The following GALNT12 variants were observed in gnomAD, a reference collection of about 807,000 sequenced individuals.
GALNT12 encodes the protein UDP-GalNAc:polypeptide N-acetylgalactosaminyltransferase 12.
GALNT12 carries 45 observed loss-of-function variants against 55.5 expected under a neutral mutation model. That is an observed-to-expected ratio of 0.81 (90% CI 0.64 to 1.04). The LOEUF (loss-of-function observed/expected upper bound fraction) is 1.04. Among genes scored for constraint, GALNT12 ranks in the 50% least tolerant of loss-of-function variants. The pLI is 0.00. For synonymous variants in GALNT12, 304 were observed against 312.2 expected (o/e 0.97, Z 0.28); for missense variants, 709 against 754.8 (o/e 0.94, Z 0.71).
chr9:98,849,022 T>A lies in GALNT12; in HGVS notation c.1676T>A (p.Phe559Tyr), dbSNP rs985361459. 1.9e-6 allele frequency: 3 copies of A among 1,614,200 alleles called. No homozygotes were observed. The highest frequency in any genetic ancestry group is 1.1e-5 in the South Asian group (1 of 91,090). The change falls in exon 10 of 10, where the codon TTC becomes TAC. Residue 559 changes from phenylalanine to tyrosine, a missense_variant. By Grantham distance (22) the Phe-to-Tyr change is conservative. This residue lies in a region of GALNT12 where 262 missense variants were observed against 310.7 expected (regional missense o/e 0.84). Transcript: ENST00000375011. ...GCGAGGAAGGAGTCGAGTGACAGTTTCGTTCCACTCTTACGAGACTGCACC... is the reference window on the plus strand; with the variant it reads ...GCGAGGAAGGAGTCGAGTGACAGTTACGTTCCACTCTTACGAGACTGCACC... ...QAARKESSDS[F>Y]VPLLRDCTNS...
intron 1 of GALNT12, among the ~76,000 whole-genome samples, chr9:98,817,787 T>C (rs1286175540): frequency 6.6e-6 from 1 of 152,112 alleles, no homozygotes; most frequent in Non-Finnish European, 1.5e-5. Context: ...TTGGTAGATA[T>C]GAGAAATAAT....
chr9:98,814,607 G>A (rs1835572068), intron 1 of GALNT12, among the ~76,000 whole-genome samples: 1 of 151,938 alleles, frequency 6.6e-6, no homozygotes, highest in Non-Finnish European at 1.5e-5. Context: ...CTACTTGGGA[G>A]GCTGAGGCAG....
At chr9:98,839,606 G>A (rs10465143) in intron 6 of GALNT12, among the ~76,000 whole-genome samples, 2,792 of 152,234 alleles carry the variant, frequency 0.018, 148 homozygotes, top group East Asian at 0.13. Flanking sequence ...CATATGTTTC[G>A]GTGAAACTGA....
chr9:98,829,153 TTATCTATC>T (rs57899489), intron 3 of GALNT12, among the ~76,000 whole-genome samples: 5,616 of 141,924 alleles, frequency 0.04, 140 homozygotes, highest in East Asian at 0.11. Flanking sequence ...GTAATTTTTT[TTATCTATC>T]TATCTATCTA....
Position 98,807,802 on chromosome 9 carries a change from C to T in GALNT12, c.104C>T (p.Ser35Leu), listed in dbSNP as rs988592123. 4.0e-5 allele frequency: 43 copies of T among 1,080,612 alleles called. No individual in the cohort carries two copies. The highest frequency in any genetic ancestry group is 2.1e-4 in the Admixed American group (4 of 18,648). The allele number at this position is 1,080,612 out of a possible 1,614,324, so 66.9% of individuals were successfully genotyped here. A position where few individuals can be genotyped will look rare whatever the true frequency, so the allele number is the denominator to read the frequency against. Residue 35 changes from serine (S) to leucine (L), a missense_variant, in exon 1 of 10, where the codon TCG (serine) becomes TTG (leucine). Physicochemically the swap from Ser to Leu is moderately radical, Grantham distance 145. Transcript: ENST00000375011. ...CTACTGGCGTTGGCCGGGCTGGGCT[C>T]GGTGCTGCGGGCGCAGCGTGGGGCC... ...LALLALAGLG[S>L]VLRAQRGAGA... is the part of the protein sequence containing the mutation.
chr9:98,821,624 C>CAAAAAAAAAAAAAAAAAAAAAAAAAAA lies in GALNT12; in HGVS notation c.372-1619_372-1618insAAAAAAAAAAAAAAAAAAAAAAAAAAA, dbSNP rs11467276. ...TGGGCAACAGAGCGAGACTCCATCT[C>CAAAAAAAAAAAAAAAAAAAAAAAAAAA]AAAAAAAAAAAAAGAAAGAAATTTC... On this transcript the variant is annotated intron_variant, in intron 1 of 9. Coordinates refer to ENST00000375011, the MANE Select transcript of GALNT12 (RefSeq NM_024642.5). 1.8e-5 allele frequency among the ~76,000 whole-genome samples: 2 copies of CAAAAAAAAAAAAAAAAAAAAAAAAAAA among 112,030 alleles called. 1 individual carries two copies. Among genetic ancestry groups the CAAAAAAAAAAAAAAAAAAAAAAAAAAA allele is most frequent in the East Asian group, 6.1e-4 (2 of 3,276 alleles). 73.5% of individuals were successfully genotyped at this position (112,030 alleles called of 152,430 possible).
intron 1 of GALNT12, among the ~76,000 whole-genome samples, chr9:98,822,835 C>T (rs1042948953): frequency 1.3e-5 from 2 of 152,012 alleles, no homozygotes; most frequent in African/African-American, 2.4e-5. Context: ...GGAGAACAGG[C>T]CTGAGCTGGG....
At chr9:98,828,426 A>G (rs953523062) in intron 3 of GALNT12, among the ~76,000 whole-genome samples, 6 of 152,156 alleles carry the variant, frequency 3.9e-5, no homozygotes, top group African/African-American at 4.8e-5. Flanking sequence ...ACCCAGACCA[A>G]TGGGCTCCCC....
intron 1 of GALNT12, among the ~76,000 whole-genome samples, chr9:98,814,348 T>C (rs1240712091): frequency 6.6e-6 from 1 of 152,194 alleles, no homozygotes; most frequent in Non-Finnish European, 1.5e-5. Context: ...TGGCCTTTTC[T>C]ACAGAGGATA....
At chr9:98,809,860 G>A (rs1361062783) in intron 1 of GALNT12, among the ~76,000 whole-genome samples, 1 of 152,188 alleles carries the variant, frequency 6.6e-6, no homozygotes, top group Non-Finnish European at 1.5e-5. Context: ...TGTCTCCATG[G>A]TGACGCAGCT....
At chr9:98,844,397 A>G (rs924817478) in intron 8 of GALNT12, 188 bp downstream of exon 8, 14 of 607,354 alleles carry the variant, frequency 2.3e-5, no homozygotes, top group African/African-American at 2.0e-4. Flanking sequence ...CACATAACAC[A>G]CAGAGATTAT....
At chr9:98,838,689 G>A (rs954428246) in intron 6 of GALNT12, among the ~76,000 whole-genome samples, 1 of 152,326 alleles carries the variant, frequency 6.6e-6, no homozygotes, top group African/African-American at 2.4e-5. Flanking sequence ...CCATGGCAGG[G>A]TGCCTGCTTG....
At chr9:98,843,076 T>C (rs1022577594) in intron 7 of GALNT12, among the ~76,000 whole-genome samples, 1 of 152,188 alleles carries the variant, frequency 6.6e-6, no homozygotes, top group Admixed American at 6.5e-5. Context: ...AGAAAGGAAA[T>C]TCGTATTTTT....
At chr9:98,840,587 T>A (rs923246006) in intron 7 of GALNT12, among the ~76,000 whole-genome samples, 22 of 152,350 alleles carry the variant, frequency 1.4e-4, no homozygotes, top group African/African-American at 4.8e-4. Context: ...CAGTGTCTTT[T>A]GTTTTTGCTG....
rs180787660 is a variant in GALNT12 at position 98,848,687 on chromosome 9, T to C, written c.1606-265T>C. The stretch of plus-strand genomic sequence containing the variant: ...TTTCCCTGAAGGAAGCCAAATGCAA[T>C]AGGGAGATGTAGGGTATGACACATG... On this transcript the variant is annotated intron_variant, in intron 9 of 9. Transcript: ENST00000375011. 1.2e-5 allele frequency: 6 copies of C among 510,360 alleles called. No individual in the cohort carries two copies. In the East Asian group the frequency reaches 1.4e-4, roughly 12 times the overall value. The allele number at this position is 510,360 out of a possible 1,614,324, so 31.6% of individuals were successfully genotyped here.
chr9:98,831,874 T>A lies in GALNT12; in HGVS notation c.834T>A (p.Gly278=), dbSNP rs1457502056. ...LGNSGEPQIG[G]FDWRLVFTWH... ...ACTCCGGGGAGCCCCAGATCGGCGG[T>A]TTCGACTGGAGGCTGGTGTTCACGT... Residue 278 remains glycine (G), a synonymous_variant, in exon 4 of 10, where the codon GGT becomes GGA. Transcript: ENST00000375011. 1 of 1,613,988 alleles carries A rather than the reference T, an allele frequency of 6.2e-7. No homozygotes were observed.
At chr9:98,822,512 C>A (rs1391377962) in intron 1 of GALNT12, among the ~76,000 whole-genome samples, 1 of 152,206 alleles carries the variant, frequency 6.6e-6, no homozygotes, top group Non-Finnish European at 1.5e-5. Flanking sequence ...AGCCCCACCC[C>A]ACCACATGAC....
intron 1 of GALNT12, 147 bp from the exon 2 acceptor site, chr9:98,823,109 T>G: frequency 1.3e-6 from 1 of 757,674 alleles, no homozygotes; most frequent in Non-Finnish European, 2.3e-6. Context: ...CTGGGGCTCC[T>G]AGTGCCACAA....
intron 1 of GALNT12, among the ~76,000 whole-genome samples, chr9:98,810,981 G>A (rs947835345): frequency 6.6e-6 from 1 of 152,212 alleles, no homozygotes; most frequent in Non-Finnish European, 1.5e-5. Flanking sequence ...TTTACTCTGA[G>A]ATGATAGCGG....
Sources: gnomAD v4.1 joint callset for allele counts (sites outside exome capture counted in the v4.1 genomes callset) on GRCh38, gnomAD v4.1.1 for gene constraint, gnomAD v4.1.1 regional missense constraint, MANE v1.5 for transcripts, NCBI Gene and HGNC (gene_info 2026-07-23, HGNC 2026-07-21) for gene names.